The following METTL25 variants were observed in gnomAD, a reference collection of about 807,000 sequenced individuals.
The protein encoded by METTL25 is probable methyltransferase-like protein 25.
In METTL25, 64 loss-of-function variants were observed where a neutral mutation model predicts 71.6. That is an observed-to-expected ratio of 0.89 (90% CI 0.73 to 1.10). The LOEUF (loss-of-function observed/expected upper bound fraction) is 1.10. Among genes scored for constraint, METTL25 ranks in the 50% least tolerant of loss-of-function variants. METTL25 has a pLI of 0.00. For missense variants in METTL25, 807 were observed against 707.0 expected, an observed-to-expected ratio of 1.14 and a Z score of -1.60; for synonymous variants, 287 against 250.3, an observed-to-expected ratio of 1.15 and a Z score of -1.38.
chr12:82,426,244 A>G lies in METTL25; in HGVS notation c.1280-4649A>G, dbSNP rs538206534. Among the ~76,000 whole-genome samples, 4 of 152,176 alleles carry G rather than the reference A, an allele frequency of 2.6e-5. No individual in the cohort carries two copies. The South Asian group carries it at 8.3e-4, about 32-fold the overall frequency. ...TGCTGCCTCCTTATCAGTTGTTTGC[A>G]TTTAACTCCATTAGATAAAGAGCAA... On this transcript the variant is annotated intron_variant, in intron 5 of 11. Transcript: ENST00000248306.
At chr12:82,451,623 T>C (rs1891154634) in intron 8 of METTL25, among the ~76,000 whole-genome samples, 1 of 152,172 alleles carries the variant, frequency 6.6e-6, no homozygotes, top group African/African-American at 2.4e-5. Flanking sequence ...GAACTGTGTA[T>C]AGACAATTAA....
intron 5 of METTL25, among the ~76,000 whole-genome samples, chr12:82,427,841 G>A (rs1016943764): frequency 1.3e-5 from 2 of 151,860 alleles, no homozygotes; most frequent in African/African-American, 2.4e-5. Flanking sequence ...GCTATAAAAA[G>A]TTTGGCAAAC....
chr12:82,376,816 TTAATA>T lies in METTL25; in HGVS notation c.260-9985_260-9981del, dbSNP rs879490299. On this transcript the variant is annotated intron_variant, in intron 1 of 11. Coordinates refer to ENST00000248306, the MANE Select transcript of METTL25 (RefSeq NM_032230.3). ...TCATTTTTCATCTTCTTTGCAAACT[TTAATA>T]TTATAATTTATTGGCCGGGCGCTGT... 7.5e-4 allele frequency among the ~76,000 whole-genome samples: 115 copies of T among 152,326 alleles called. 1 individual carries two copies. Among genetic ancestry groups the T allele is most frequent in the African/African-American group, 2.3e-3 (96 of 41,588 alleles).
At chr12:82,447,892 T>C (rs1204370839) in intron 8 of METTL25, among the ~76,000 whole-genome samples, 1 of 152,052 alleles carries the variant, frequency 6.6e-6, no homozygotes, top group Non-Finnish European at 1.5e-5. Flanking sequence ...CAATATCTAA[T>C]ATAGGCACCT....
intron 1 of METTL25, among the ~76,000 whole-genome samples, chr12:82,365,104 A>G (rs1477201279): frequency 1.4e-4 from 22 of 152,222 alleles, no homozygotes; most frequent in Admixed American, 1.4e-3. Flanking sequence ...GAAGTTAAAC[A>G]TAGATCTAAT....
intron 5 of METTL25, among the ~76,000 whole-genome samples, chr12:82,418,115 T>G (rs1162029271): frequency 6.6e-6 from 1 of 152,150 alleles, no homozygotes; most frequent in East Asian, 1.9e-4. Context: ...AGTTAAATTC[T>G]GAATATATTT....
chr12:82,404,434 T>C (rs993544406), intron 5 of METTL25, among the ~76,000 whole-genome samples: 1 of 152,208 alleles, frequency 6.6e-6, no homozygotes. Context: ...TTTATGTATC[T>C]TTTCTGAAAT....
intron 9 of METTL25, among the ~76,000 whole-genome samples, chr12:82,467,657 T>G (rs1222580037): frequency 6.6e-6 from 1 of 152,150 alleles, no homozygotes; most frequent in East Asian, 1.9e-4. Flanking sequence ...CCACTGTTCG[T>G]CTAATTGAGA....
At chr12:82,461,371 G>A (rs945719372) in intron 9 of METTL25, among the ~76,000 whole-genome samples, 2 of 152,136 alleles carry the variant, frequency 1.3e-5, no homozygotes, top group African/African-American at 4.8e-5. Context: ...ACTAAGGATG[G>A]CCTTATGAAA....
intron 1 of METTL25, among the ~76,000 whole-genome samples, chr12:82,380,108 T>C (rs1330728212): frequency 6.6e-6 from 1 of 152,192 alleles, no homozygotes; most frequent in East Asian, 1.9e-4. Context: ...GTTGCCTATT[T>C]ATGTTCTAGG....
At chr12:82,378,597 C>T (rs907348616) in intron 1 of METTL25, among the ~76,000 whole-genome samples, 7 of 152,062 alleles carry the variant, frequency 4.6e-5, no homozygotes, top group Non-Finnish European at 7.4e-5. Flanking sequence ...AAATGCACAA[C>T]GGGAAAGAAA....
intron 9 of METTL25, chr12:82,468,986 TACA>T (rs1565888152): frequency 6.6e-6 from 1 of 152,164 alleles, no homozygotes; most frequent in East Asian, 1.9e-4. Flanking sequence ...AAACCCAGAT[TACA>T]ACATTACAAA....
At chr12:82,410,223 C>T (rs552720842) in intron 5 of METTL25, among the ~76,000 whole-genome samples, 2 of 152,134 alleles carry the variant, frequency 1.3e-5, no homozygotes, top group South Asian at 4.1e-4. Context: ...AAACTGCTAA[C>T]ATAACATTAA....
intron 1 of METTL25, among the ~76,000 whole-genome samples, chr12:82,370,032 T>C (rs2136847566): frequency 6.6e-6 from 1 of 152,246 alleles, no homozygotes; most frequent in African/African-American, 2.4e-5. Context: ...GAGGCCCAGC[T>C]GGCTTCACCT....
In METTL25 at chr12:82,364,448, A is replaced by G. The variant is rs993249632; in HGVS notation, c.259+5624A>G. Among the ~76,000 whole-genome samples, 17 of 152,202 alleles carry G rather than the reference A, an allele frequency of 1.1e-4. 1 individual carries two copies. The highest frequency in any genetic ancestry group is 4.1e-4 in the South Asian group (2 of 4,832). On this transcript the variant is annotated intron_variant, in intron 1 of 11. Coordinates refer to ENST00000248306, the MANE Select transcript of METTL25 (RefSeq NM_032230.3). ...TTCTTGTTTTTGTCTGCACTCAGACATGATTATGAAGTTGGCATGGTCACA... is the reference window on the plus strand; with the variant it reads ...TTCTTGTTTTTGTCTGCACTCAGACGTGATTATGAAGTTGGCATGGTCACA...
intron 1 of METTL25, among the ~76,000 whole-genome samples, chr12:82,367,337 A>G (rs894252902): frequency 2.6e-5 from 4 of 152,134 alleles, no homozygotes; most frequent in African/African-American, 9.7e-5. Context: ...TGTTATCATC[A>G]TTTATCATAA....
chr12:82,373,153 G>C (rs1883450143), intron 1 of METTL25, among the ~76,000 whole-genome samples: 1 of 152,112 alleles, frequency 6.6e-6, no homozygotes, highest in Non-Finnish European at 1.5e-5. Flanking sequence ...TTAGTATTGG[G>C]ACCTTACCAC....
intron 5 of METTL25, among the ~76,000 whole-genome samples, chr12:82,407,169 C>T (rs1244278816): frequency 1.3e-5 from 2 of 152,054 alleles, no homozygotes; most frequent in Non-Finnish European, 2.9e-5. Context: ...AGTACTTGGT[C>T]ATTCATAAAA....
At chr12:82,376,589 A>T (rs1883883714) in intron 1 of METTL25, among the ~76,000 whole-genome samples, 1 of 152,244 alleles carries the variant, frequency 6.6e-6, no homozygotes, top group African/African-American at 2.4e-5. Context: ...CTCAAAATTT[A>T]TCTTAGTTTA....
Sources: gnomAD v4.1 joint callset for allele counts (sites outside exome capture counted in the v4.1 genomes callset) on GRCh38, gnomAD v4.1.1 for gene constraint, MANE v1.5 for transcripts, NCBI Gene and HGNC (gene_info 2026-07-23, HGNC 2026-07-21) for gene names.